Variants in SYT16 observed in about 807,000 individuals in gnomAD.
The protein encoded by SYT16 is synaptotagmin 16.
SYT16 carries 42 observed loss-of-function variants against 61.4 expected under a neutral mutation model. That is an observed-to-expected ratio of 0.68 (90% CI 0.53 to 0.89). The LOEUF (loss-of-function observed/expected upper bound fraction) is 0.89. Ranked by LOEUF, SYT16 falls within the 40% of genes least tolerant of loss-of-function variation. The probability of loss-of-function intolerance (pLI) is 0.00; values close to 1 mark genes in which losing one functional copy is unlikely to be tolerated. For synonymous variants in SYT16, 314 were observed against 302.3 expected (o/e 1.04, Z -0.40); for missense variants, 804 against 807.3 (o/e 1.00, Z 0.05).
intron 3 of SYT16, among the ~76,000 whole-genome samples, chr14:62,025,156 G>C (rs562661535): frequency 2.4e-4 from 36 of 152,202 alleles, no homozygotes; most frequent in African/African-American, 8.4e-4. Flanking sequence ...CACAATTGTT[G>C]TATCATATAG....
rs1013324624 is a variant in SYT16, at chr14:61,992,110, C to T, written c.-144-3766C>T. 5.3e-5 allele frequency among the ~76,000 whole-genome samples: 8 copies of T among 151,990 alleles called. No homozygotes were observed. The South Asian group carries it at 6.2e-4, about 12-fold the overall frequency. The stretch of plus-strand genomic sequence containing the variant: ...GAAGACTGACAAATATCCATTATAC[C>T]GAGGGAAACGTTATATCATAAAGGC... On this transcript the variant is annotated intron_variant, in intron 2 of 7. Coordinates refer to ENST00000683842, the MANE Select transcript of SYT16 (RefSeq NM_001367656.1).
chr14:61,935,920 G>A (rs1055254797), intron 1 of SYT16, among the ~76,000 whole-genome samples: 2 of 152,156 alleles, frequency 1.3e-5, no homozygotes, highest in Admixed American at 1.3e-4. Context: ...TTGAGTAAAG[G>A]GCGCAAGTAT....
At chr14:61,851,678 T>C (rs1005800864) in intron 1 of SYT16, among the ~76,000 whole-genome samples, 5 of 152,228 alleles carry the variant, frequency 3.3e-5, no homozygotes, top group African/African-American at 1.2e-4. Flanking sequence ...TGAGCTTTGT[T>C]TCATGTTTGT....
chr14:62,075,860 G>A (rs1449231379), intron 5 of SYT16, among the ~76,000 whole-genome samples: 1 of 152,148 alleles, frequency 6.6e-6, no homozygotes, highest in African/African-American at 2.4e-5. Flanking sequence ...AAATGAAATG[G>A]CCTTCCAAGT....
chr14:62,031,343 A>G (rs1057286509), intron 3 of SYT16, among the ~76,000 whole-genome samples: 1 of 152,206 alleles, frequency 6.6e-6, no homozygotes, highest in African/African-American at 2.4e-5. Flanking sequence ...CACAAACACT[A>G]TAGTTAGAAA....
At position 62,084,392 on chromosome 14, in the gene SYT16, G is replaced by A. The variant is rs756145855; in HGVS notation, c.1624+7G>A. 1.2e-6 allele frequency: 2 copies of A among 1,609,450 alleles called. No homozygotes were observed. Among genetic ancestry groups the A allele is most frequent in the East Asian group, 4.5e-5 (2 of 44,642 alleles). ...GCTGTTAACCGAGCACCTGGTAAGT[G>A]TGAGTCTGTTCTCCCAGCTCTGGTT... is the stretch of plus-strand genomic sequence containing the variant. On this transcript the variant is annotated splice_region_variant and intron_variant, in intron 7 of 7. Coordinates refer to ENST00000683842, the MANE Select transcript of SYT16 (RefSeq NM_001367656.1).
At chr14:61,988,141 A>G (rs561187508) in intron 2 of SYT16, among the ~76,000 whole-genome samples, 1 of 152,296 alleles carries the variant, frequency 6.6e-6, no homozygotes, top group African/African-American at 2.4e-5. Context: ...ATGGCCCTGG[A>G]GCACAGATGC....
At chr14:62,051,647 G>C (rs1159399895) in intron 3 of SYT16, among the ~76,000 whole-genome samples, 1 of 152,168 alleles carries the variant, frequency 6.6e-6, no homozygotes, top group Non-Finnish European at 1.5e-5. Context: ...AAATTGCATA[G>C]TTGCTTAAAC....
chr14:62,074,202 C>T (rs1326312219), intron 4 of SYT16, among the ~76,000 whole-genome samples: 2 of 152,008 alleles, frequency 1.3e-5, no homozygotes, highest in Non-Finnish European at 2.9e-5. Flanking sequence ...ACACTCTTGA[C>T]ATGTAGGAAG....
At chr14:61,879,861 T>G (rs1000949397) in intron 1 of SYT16, among the ~76,000 whole-genome samples, 1 of 152,238 alleles carries the variant, frequency 6.6e-6, no homozygotes, top group African/African-American at 2.4e-5. Context: ...CTGCCATCTA[T>G]CCTTTGGATT....
intron 2 of SYT16, among the ~76,000 whole-genome samples, chr14:61,984,822 A>C (rs867968080): frequency 6.6e-6 from 1 of 152,192 alleles, no homozygotes; most frequent in Non-Finnish European, 1.5e-5. Flanking sequence ...AGAATTAGTT[A>C]AGAACATTTG....
chr14:62,020,995 A>C (rs1230349140), intron 3 of SYT16, among the ~76,000 whole-genome samples: 1 of 152,130 alleles, frequency 6.6e-6, no homozygotes, highest in South Asian at 2.1e-4. Context: ...CCTGCTCTCT[A>C]TGTCGGTGCC....
At position 61,996,297 on chromosome 14, in the gene SYT16, G is replaced by A. The variant is rs757495690; in HGVS notation, c.278G>A (p.Cys93Tyr). 5.0e-6 allele frequency: 8 copies of A among 1,613,560 alleles called. No homozygotes were observed. The highest frequency in any genetic ancestry group is 2.2e-5 in the East Asian group (1 of 44,856). ...TTTCTTGAAGTGGATCATTTCTCATGTTGTAATAGTGATTTGCAGGACTCT... is the reference window on the plus strand; with the variant it reads ...TTTCTTGAAGTGGATCATTTCTCATATTGTAATAGTGATTTGCAGGACTCT... ...SLFLEVDHFS[C>Y]CNSDLQDSAQ... is the part of the protein sequence containing the mutation. Residue 93 changes from cysteine to tyrosine, a missense_variant, in exon 3 of 8, where the codon TGT (cysteine) becomes TAT (tyrosine). Cys to Tyr is a radical substitution (Grantham distance 194). Transcript: ENST00000683842.
At chr14:61,834,497 G>C (rs1030461128) in intron 1 of SYT16, among the ~76,000 whole-genome samples, 10 of 145,674 alleles carry the variant, frequency 6.9e-5, no homozygotes, top group African/African-American at 2.1e-4. Flanking sequence ...GTGCAATGTG[G>C]TGTGATCTCG....
At chr14:62,063,942 G>C (rs2055941663) in intron 3 of SYT16, among the ~76,000 whole-genome samples, 1 of 152,084 alleles carries the variant, frequency 6.6e-6, no homozygotes, top group Non-Finnish European at 1.5e-5. Context: ...CAGATGTTTA[G>C]ATGATATCTG....
intron 3 of SYT16, among the ~76,000 whole-genome samples, chr14:62,053,709 G>A (rs1044242274): frequency 9.2e-5 from 14 of 152,130 alleles, no homozygotes; most frequent in Non-Finnish European, 4.4e-5. Context: ...AATGTTAGGG[G>A]AGTCACGACT....
intron 1 of SYT16, among the ~76,000 whole-genome samples, chr14:61,845,634 AAAC>A (rs1299073766): frequency 1.3e-5 from 2 of 152,148 alleles, no homozygotes; most frequent in African/African-American, 4.8e-5. Flanking sequence ...GCTTTTCAAA[AAAC>A]CAACTTTTTG....
At chr14:61,983,805 G>C (rs2052188869) in intron 2 of SYT16, among the ~76,000 whole-genome samples, 1 of 152,136 alleles carries the variant, frequency 6.6e-6, no homozygotes. Context: ...AGGGTTAACA[G>C]GTGTGAGCTA....
intron 4 of SYT16, 32 bp from the exon 5 acceptor site, chr14:62,075,103 C>A: frequency 6.4e-7 from 1 of 1,568,446 alleles, no homozygotes. Flanking sequence ...AAAAATAATG[C>A]ATTTGAAATG....
Sources: allele counts gnomAD v4.1 joint callset (sites outside exome capture counted in the v4.1 genomes callset), GRCh38; gene constraint gnomAD v4.1.1; transcripts MANE v1.5; gene names NCBI Gene and HGNC (gene_info 2026-07-23, HGNC 2026-07-21).